Variants in ERC2 observed in about 807,000 individuals in gnomAD.
The protein encoded by ERC2 is ELKS/RAB6-interacting/CAST family member 2.
In ERC2, 42 loss-of-function variants were observed where a neutral mutation model predicts 114.8. The observed-to-expected ratio is 0.37, with a 90% CI of 0.29 to 0.47. ERC2 has a LOEUF of 0.47. Among genes scored for constraint, ERC2 ranks in the 20% least tolerant of loss-of-function variants. The pLI is 0.99. For synonymous variants in ERC2, 454 were observed against 425.5 expected (o/e 1.07, Z -0.82); for missense variants, 939 against 1,150.7 (o/e 0.82, Z 2.66).
chr3:55,522,982 G>A (rs2053064706), intron 17 of ERC2, among the ~76,000 whole-genome samples: 1 of 152,234 alleles, frequency 6.6e-6, no homozygotes, highest in Non-Finnish European at 1.5e-5. Context: ...GAACTGGCTG[G>A]AAGTTTCCCT....
At chr3:55,871,812 T>C (rs796807779) in intron 14 of ERC2, among the ~76,000 whole-genome samples, 175 of 152,302 alleles carry the variant, frequency 1.1e-3, no homozygotes, top group African/African-American at 4.2e-3. Context: ...TTTACAGCAA[T>C]ATTTTTTAAA....
chr3:55,838,335 A>T (rs557437290), intron 14 of ERC2, among the ~76,000 whole-genome samples: 5 of 152,230 alleles, frequency 3.3e-5, no homozygotes, highest in Admixed American at 3.3e-4. Context: ...AATTTAAAAG[A>T]ATAAAGATTA....
chr3:55,749,016 G>A (rs565813931), intron 14 of ERC2, among the ~76,000 whole-genome samples: 6 of 152,238 alleles, frequency 3.9e-5, no homozygotes, highest in African/African-American at 1.4e-4. Flanking sequence ...AGATGTAAAA[G>A]GTTGAGGTAA....
At chr3:55,730,968 G>A (rs548748632) in intron 15 of ERC2, among the ~76,000 whole-genome samples, 6 of 152,328 alleles carry the variant, frequency 3.9e-5, no homozygotes, top group African/African-American at 1.2e-4. Flanking sequence ...CCTGGTCCCT[G>A]AAAGAGCTCT....
At chr3:55,573,606 A>C (rs2056833002) in intron 17 of ERC2, among the ~76,000 whole-genome samples, 1 of 152,070 alleles carries the variant, frequency 6.6e-6, no homozygotes, top group Non-Finnish European at 1.5e-5. Context: ...GGTTCGTCAC[A>C]ATTTTTATGA....
chr3:55,708,173 C>G (rs891899204), intron 15 of ERC2, among the ~76,000 whole-genome samples: 2 of 152,142 alleles, frequency 1.3e-5, no homozygotes, highest in African/African-American at 4.8e-5. Flanking sequence ...AATGGAGCCC[C>G]AAAGAAGTCC....
chr3:56,319,256 T>A (rs928185629), intron 2 of ERC2, among the ~76,000 whole-genome samples: 3 of 151,180 alleles, frequency 2.0e-5, no homozygotes, highest in Non-Finnish European at 4.4e-5. Context: ...CATAAATGGA[T>A]GAACGGATAA....
chr3:56,349,688 C>G (rs1001294520), intron 2 of ERC2, among the ~76,000 whole-genome samples: 1 of 152,146 alleles, frequency 6.6e-6, no homozygotes, highest in Admixed American at 6.5e-5. Flanking sequence ...AGGCAGATCA[C>G]AAGGTCAGCA....
chr3:56,343,192 T>TCTCTCACACACACACACA (rs1376220124), intron 2 of ERC2, among the ~76,000 whole-genome samples: 49 of 126,206 alleles, frequency 3.9e-4, no homozygotes, highest in African/African-American at 1.4e-3. Context: ...TCTCTCTCTC[T>TCTCTCACACACACACACA]CACACACACA....
At chr3:55,667,981 TG>T (rs1278262501) in intron 17 of ERC2, among the ~76,000 whole-genome samples, 2 of 152,338 alleles carry the variant, frequency 1.3e-5, no homozygotes, top group African/African-American at 4.8e-5. Flanking sequence ...CTCTACCTAC[TG>T]GATGCCAATA....
chr3:56,298,728 GGGT>G (rs2055627689), intron 2 of ERC2, among the ~76,000 whole-genome samples: 1 of 152,034 alleles, frequency 6.6e-6, no homozygotes, highest in Admixed American at 6.6e-5. Flanking sequence ...GGACTCTAAA[GGGT>G]ATGGGGCATC....
At chr3:56,372,530 C>G (rs967730481) in intron 2 of ERC2, among the ~76,000 whole-genome samples, 2 of 152,036 alleles carry the variant, frequency 1.3e-5, no homozygotes, top group Non-Finnish European at 2.9e-5. Flanking sequence ...GAGTACAAGA[C>G]CAGCTTGGGC....
At chr3:55,838,604 G>A (rs765091142) in intron 14 of ERC2, among the ~76,000 whole-genome samples, 1 of 151,696 alleles carries the variant, frequency 6.6e-6, no homozygotes, top group African/African-American at 2.4e-5. Flanking sequence ...AAACAAGAAA[G>A]GTCTATCAAT....
intron 10 of ERC2, among the ~76,000 whole-genome samples, chr3:55,995,716 C>T (rs2071451740): frequency 6.6e-6 from 1 of 152,100 alleles, no homozygotes; most frequent in South Asian, 2.1e-4. Flanking sequence ...TGTACATAAC[C>T]AGCTCTATTC....
chr3:56,143,148 C>T (rs531818786), intron 5 of ERC2, among the ~76,000 whole-genome samples: 43 of 152,284 alleles, frequency 2.8e-4, no homozygotes, highest in Admixed American at 1.6e-3. Flanking sequence ...TTTAGTTTGC[C>T]TCTGCACTAG....
intron 17 of ERC2, among the ~76,000 whole-genome samples, chr3:55,620,453 C>T (rs755973466): frequency 2.6e-5 from 4 of 152,166 alleles, no homozygotes; most frequent in South Asian, 2.1e-4. Context: ...GACCCTGGAG[C>T]GAGCCCTAAA....
chr3:56,270,642 A>T (rs1309316224), intron 3 of ERC2, among the ~76,000 whole-genome samples: 1 of 152,198 alleles, frequency 6.6e-6, no homozygotes, highest in Non-Finnish European at 1.5e-5. Context: ...TTTCTTCTAC[A>T]AAGACTCTGT....
At chr3:55,551,999 C>T (rs1210761478) in intron 17 of ERC2, among the ~76,000 whole-genome samples, 1 of 152,150 alleles carries the variant, frequency 6.6e-6, no homozygotes, top group African/African-American at 2.4e-5. Flanking sequence ...ACCCCAGGCC[C>T]TATATCCTTC....
At chr3:55,579,716 C>T (rs1436642486) in intron 17 of ERC2, among the ~76,000 whole-genome samples, 1 of 152,218 alleles carries the variant, frequency 6.6e-6, no homozygotes, top group Non-Finnish European at 1.5e-5. Context: ...ATTCTTCCAC[C>T]CAGCAAAACA....
Sources: allele counts gnomAD v4.1 joint callset (sites outside exome capture counted in the v4.1 genomes callset), GRCh38; gene constraint gnomAD v4.1.1; transcripts MANE v1.5; gene names NCBI Gene and HGNC (gene_info 2026-07-23, HGNC 2026-07-21).